APOL3: variants seen among roughly 807,000 people sequenced by gnomAD.
The protein encoded by APOL3 is TNF-inducible protein CG12-1.
A neutral mutation model predicts 11.6 loss-of-function variants in APOL3; 14 were observed. That is an observed-to-expected ratio of 1.21 (90% CI 0.80 to 1.89). The LOEUF is 1.89. Ranked by LOEUF, APOL3 falls within the 40% of genes most tolerant of loss-of-function variation. APOL3 has a pLI of 0.00. For synonymous variants in APOL3, 192 were observed against 190.6 expected, an observed-to-expected ratio of 1.01 and a Z score of -0.06; for missense variants, 483 against 492.1, an observed-to-expected ratio of 0.98 and a Z score of 0.17.
At position 36,145,458 on chromosome 22, in the gene APOL3, C is replaced by T. The variant is rs764530191; in HGVS notation, c.350+15G>A. On this transcript the variant is annotated intron_variant, in intron 2 of 2. Transcript: ENST00000349314. The stretch of plus-strand genomic sequence containing the variant: ...TAGCCGGGGCGCCCCATGGAGGTAA[C>T]CCCACGGAGGTTACCTGGGCAATTC... 7.4e-6 allele frequency: 12 copies of T among 1,613,406 alleles called. No homozygotes were observed. The highest frequency in any genetic ancestry group is 1.0e-5 in the Non-Finnish European group (12 of 1,179,720).
chr22:36,145,974 CTCTCTT>C (rs1426494600), intron 1 of APOL3, among the ~76,000 whole-genome samples: 37 of 110,942 alleles, frequency 3.3e-4, no homozygotes, highest in Middle Eastern at 4.8e-3. Context: ...CTCTCCCTGT[CTCTCTT>C]TCTCTCTCTC....
At chr22:36,154,803 C>T (rs2012472897) in intron 1 of APOL3, among the ~76,000 whole-genome samples, 1 of 152,166 alleles carries the variant, frequency 6.6e-6, no homozygotes, top group Non-Finnish European at 1.5e-5. Context: ...AAATAGAATG[C>T]CTGTTTTTTC....
chr22:36,157,007 C>A, intron 1 of APOL3: 1 of 456,214 alleles, frequency 2.2e-6, no homozygotes, highest in Middle Eastern at 3.3e-4. Context: ...ATGCTCATCT[C>A]TTTTTGGGGA....
chr22:36,160,070 G>A (rs950464556), intron 1 of APOL3, among the ~76,000 whole-genome samples: 1 of 152,038 alleles, frequency 6.6e-6, no homozygotes. Context: ...TTTAGTAGAG[G>A]CAGGGTTTCT....
At chr22:36,153,577 G>A (rs773327384) in intron 1 of APOL3, among the ~76,000 whole-genome samples, 2 of 152,164 alleles carry the variant, frequency 1.3e-5, no homozygotes, top group African/African-American at 2.4e-5. Context: ...GAACCAAGAC[G>A]TCTTGTGGGG....
intron 1 of APOL3, among the ~76,000 whole-genome samples, chr22:36,152,868 G>C (rs1189833296): frequency 6.6e-6 from 1 of 152,186 alleles, no homozygotes; most frequent in Non-Finnish European, 1.5e-5. Context: ...CAGCACTTTA[G>C]GAAGCTGAGG....
chr22:36,141,963 C>T (rs370011002), exon 3 of APOL3: 2 of 1,614,096 alleles, frequency 1.2e-6, no homozygotes, highest in African/African-American at 1.3e-5. Context: ...AAACCATTCC[C>T]TAAACTGCTC....
intron 1 of APOL3, among the ~76,000 whole-genome samples, chr22:36,151,460 C>G (rs1052607439): frequency 6.7e-6 from 1 of 149,834 alleles, no homozygotes; most frequent in Non-Finnish European, 1.5e-5. Context: ...TGAAAAGGAA[C>G]AAAGATGATG....
At chr22:36,156,085 C>A in intron 1 of APOL3, 1 of 181,348 alleles carries the variant, frequency 5.5e-6, no homozygotes. Context: ...CGTGCTCCTC[C>A]TGAGGAATCT....
rs535368612 is a variant in APOL3 at position 36,160,175 on chromosome 22, G to A, written c.223+494C>T. Reference sequence around the variant, plus strand: ...TGGGATTACAGGCATGAGCCACCGCGCCCAGCCAGGTTCCTTGTATCTCAA... The same window carrying A: ...TGGGATTACAGGCATGAGCCACCGCACCCAGCCAGGTTCCTTGTATCTCAA... On this transcript the variant is annotated intron_variant, in intron 1 of 2. Transcript: ENST00000349314. Among the ~76,000 whole-genome samples the A allele has an allele frequency of 1.2e-4, 18 of 152,176 alleles. No homozygotes were observed. The East Asian group carries it at 3.3e-3, about 28-fold the overall frequency.
upstream of APOL3, chr22:36,164,856 T>C (rs1442617440): frequency 6.6e-6 from 1 of 152,232 alleles, no homozygotes; most frequent in Admixed American, 6.5e-5. Context: ...CCTCTTTCAT[T>C]CTGTCAAGTA....
At chr22:36,151,886 A>T (rs1049948468) in intron 1 of APOL3, among the ~76,000 whole-genome samples, 4 of 152,228 alleles carry the variant, frequency 2.6e-5, no homozygotes, top group African/African-American at 9.7e-5. Flanking sequence ...CCAAGAGGTC[A>T]CAGAGCAAGA....
intron 1 of APOL3, among the ~76,000 whole-genome samples, 196 bp downstream of exon 1, chr22:36,160,473 T>C (rs2013594246): frequency 6.6e-6 from 1 of 152,190 alleles, no homozygotes; most frequent in South Asian, 2.1e-4. Context: ...TCTCTACTGT[T>C]TGGGGGCCCA....
exon 1 of APOL3, chr22:36,160,909 C>G: frequency 6.2e-7 from 1 of 1,609,452 alleles, no homozygotes; most frequent in Non-Finnish European, 8.5e-7. Context: ...CCAGCAGCAC[C>G]CTTGGTCCCA....
At chr22:36,162,432 G>A (rs779923130), upstream of APOL3, among the ~76,000 whole-genome samples, 24 of 152,292 alleles carry the variant, frequency 1.6e-4, no homozygotes, top group Non-Finnish European at 2.9e-4. Flanking sequence ...AAAAGCCCCA[G>A]AGTGGGCTTT....
upstream of APOL3, among the ~76,000 whole-genome samples, chr22:36,164,240 G>A (rs1365535761): frequency 2.0e-5 from 3 of 152,094 alleles, no homozygotes; most frequent in African/African-American, 7.3e-5. Flanking sequence ...CCCTAGCAGA[G>A]GTCTATCAGC....
At chr22:36,162,038 C>T (rs564282049), upstream of APOL3, among the ~76,000 whole-genome samples, 6 of 152,216 alleles carry the variant, frequency 3.9e-5, no homozygotes, top group Admixed American at 6.5e-5. Flanking sequence ...AGTTTACCCA[C>T]ATCCCGCATT....
intron 1 of APOL3, among the ~76,000 whole-genome samples, chr22:36,145,972 G>GTCTCCCTGTC (rs1268544981): frequency 2.5e-5 from 2 of 79,306 alleles, no homozygotes; most frequent in Non-Finnish European, 5.4e-5. Flanking sequence ...CTCTCTCCCT[G>GTCTCCCTGTC]TCTCTCTTTC....
At chr22:36,163,996 A>G (rs1361994336), upstream of APOL3, among the ~76,000 whole-genome samples, 1 of 152,210 alleles carries the variant, frequency 6.6e-6, no homozygotes, top group African/African-American at 2.4e-5. Flanking sequence ...TTGCAGTTCA[A>G]TTGCCTCCTC....
Sources: allele counts gnomAD v4.1 joint callset (sites outside exome capture counted in the v4.1 genomes callset), GRCh38; gene constraint gnomAD v4.1.1; transcripts MANE v1.5; gene names NCBI Gene and HGNC (gene_info 2026-07-23, HGNC 2026-07-21).